The following BRIP1 variants were observed in gnomAD, a reference collection of about 807,000 sequenced individuals.
BRIP1 encodes the protein Fanconi anemia group J protein.
Under a neutral mutation model 119.7 loss-of-function variants are expected in BRIP1, and 88 were observed. That is an observed-to-expected ratio of 0.74 (90% confidence interval 0.62 to 0.88). The LOEUF (loss-of-function observed/expected upper bound fraction) is 0.88, where lower values mean the gene tolerates loss of function less well. Among genes scored for constraint, BRIP1 ranks in the 40% least tolerant of loss-of-function variants. The probability of loss-of-function intolerance (pLI) is 0.00; values close to 1 mark genes in which losing one functional copy is unlikely to be tolerated. For missense variants in BRIP1, 1,259 were observed against 1,455.4 expected, an observed-to-expected ratio of 0.87 and a Z score of 2.20; for synonymous variants, 443 against 496.5, an observed-to-expected ratio of 0.89 and a Z score of 1.43.
At chr17:61,819,945 T>C (rs1477026698) in intron 6 of BRIP1, among the ~76,000 whole-genome samples, 2 of 152,012 alleles carry the variant, frequency 1.3e-5, no homozygotes, top group Non-Finnish European at 2.9e-5. Context: ...TTTACCCTAA[T>C]ATGATTATTA....
At chr17:61,716,413 C>G (rs987387993) in intron 16 of BRIP1, among the ~76,000 whole-genome samples, 3 of 152,036 alleles carry the variant, frequency 2.0e-5, no homozygotes, top group Non-Finnish European at 4.4e-5. Context: ...AAAGTTCCCT[C>G]TTATCCCTTT....
In BRIP1 at chr17:61,736,998, G is replaced by T. The variant is rs911179463; in HGVS notation, c.2379+6015C>A. Among the ~76,000 whole-genome samples the T allele has an allele frequency of 6.6e-6, 1 of 152,024 alleles. No individual in the cohort carries two copies. Among genetic ancestry groups the T allele is most frequent in the African/African-American group, 2.4e-5 (1 of 41,398 alleles). ...CACAAAGTATAAAGATGGAATCTGT[G>T]ACAATAACAATATAAAAAGGGAGGA... On this transcript the variant is annotated intron_variant, in intron 16 of 19. Transcript: ENST00000259008. This position sits in a 1 kb window ranked among gnomAD's most constrained non-coding sequence, Gnocchi z 4.4.
At position 61,845,591 on chromosome 17, in the gene BRIP1, G is replaced by C. The variant is rs1191163735; in HGVS notation, c.627+1510C>G. Among the ~76,000 whole-genome samples, 1 of 152,158 alleles carries C rather than the reference G, an allele frequency of 6.6e-6. No homozygotes were observed. The highest frequency in any genetic ancestry group is 1.5e-5 in the Non-Finnish European group (1 of 68,028). On this transcript the variant is annotated intron_variant, in intron 6 of 19. Coordinates refer to ENST00000259008, the MANE Select transcript of BRIP1 (RefSeq NM_032043.3). This position sits in a 1 kb window ranked among gnomAD's most constrained non-coding sequence, Gnocchi z 4.2. ...TTAAAATTCTGATTTTCACTTGAAA[G>C]CTCAAATTTTATCTGGCTCATTTTA... is the stretch of plus-strand genomic sequence containing the variant.
intron 8 of BRIP1, 37 bp downstream of exon 8, chr17:61,801,216 G>T: frequency 6.4e-7 from 1 of 1,551,794 alleles, no homozygotes; most frequent in Non-Finnish European, 8.9e-7. Flanking sequence ...ATCTCCATGA[G>T]TAGGAAGAAG....
At chr17:61,785,423 T>C (rs1183830721) in intron 10 of BRIP1, among the ~76,000 whole-genome samples, 3 of 152,130 alleles carry the variant, frequency 2.0e-5, no homozygotes, top group Non-Finnish European at 4.4e-5. Flanking sequence ...ATAAAAGATA[T>C]TGGTGACAAC....
chr17:61,778,820 C>T lies in BRIP1; in HGVS notation c.1935+1441G>A, dbSNP rs1307687705. Among the ~76,000 whole-genome samples, 1 of 152,184 alleles carries T rather than the reference C, an allele frequency of 6.6e-6. No individual in the cohort carries two copies. Among genetic ancestry groups the T allele is most frequent in the Non-Finnish European group, 1.5e-5 (1 of 68,036 alleles). On this transcript the variant is annotated intron_variant, in intron 13 of 19. Transcript: ENST00000259008. This position sits in a 1 kb window ranked among gnomAD's most constrained non-coding sequence, Gnocchi z 4.4. ...ACAATTCTTAGTTACATAGGAGTAG[C>T]ATTCTAGGTTCCCAACTACCAAATG...
At position 61,759,165 on chromosome 17, in the gene BRIP1, A is replaced by G. The variant is rs2077240503; in HGVS notation, c.2098-14574T>C. Among the ~76,000 whole-genome samples the G allele has an allele frequency of 1.3e-5, 2 of 152,096 alleles. No homozygotes were observed. The highest frequency in any genetic ancestry group is 6.6e-5 in the Admixed American group (1 of 15,244). On this transcript the variant is annotated intron_variant, in intron 14 of 19. Coordinates refer to ENST00000259008, the MANE Select transcript of BRIP1 (RefSeq NM_032043.3). The surrounding 1 kb of genome is among the most constrained non-coding windows in gnomAD (Gnocchi z 4.9). ...AGAAAGAGTAAGAAAAGAAGATCCA[A>G]CTATATGCTGCCTACAAGAGATTTG... is the stretch of plus-strand genomic sequence containing the variant.
intron 6 of BRIP1, among the ~76,000 whole-genome samples, chr17:61,811,475 G>A (rs1051809804): frequency 4.6e-5 from 7 of 151,746 alleles, no homozygotes; most frequent in Admixed American, 2.6e-4. Flanking sequence ...CGCCTGCATC[G>A]GCCTCCCGAA....
rs1010008645 is a variant in BRIP1 at position 61,726,846 on chromosome 17, A to G, written c.2380-10783T>C. ...ATAAAATATGCTAGTGGTGTAATCT[A>G]TGAGAATGAGTGCATGATTGGTACC... On this transcript the variant is annotated intron_variant, in intron 16 of 19. Coordinates refer to ENST00000259008, the MANE Select transcript of BRIP1 (RefSeq NM_032043.3). This position sits in a 1 kb window ranked among gnomAD's most constrained non-coding sequence, Gnocchi z 6.2. Among the ~76,000 whole-genome samples the G allele has an allele frequency of 1.3e-5, 2 of 152,142 alleles. No homozygotes were observed. Among genetic ancestry groups the G allele is most frequent in the Non-Finnish European group, 2.9e-5 (2 of 68,010 alleles).
rs140581962 is a variant in BRIP1 at position 61,804,446 on chromosome 17, G to GTGTGTGTGTA, written c.919-2973_919-2972insTACACACACA. 9.6e-4 allele frequency among the ~76,000 whole-genome samples: 135 copies of GTGTGTGTGTA among 140,792 alleles called. 3 individuals are homozygous for GTGTGTGTGTA. The East Asian group carries it at 0.014, about 14-fold the overall frequency. 92.4% of individuals were successfully genotyped at this position (140,792 alleles called of 152,430 possible). A position where few individuals can be genotyped will look rare whatever the true frequency, so the allele number is the denominator to read the frequency against. ...TGTGTGTGTGTGTGTGTGTGTGTGT[G>GTGTGTGTGTA]TATGTGTGTGTACATACACATACAT... On this transcript the variant is annotated intron_variant, in intron 7 of 19. Coordinates refer to ENST00000259008, the MANE Select transcript of BRIP1 (RefSeq NM_032043.3). This position sits in a 1 kb window ranked among gnomAD's most constrained non-coding sequence, Gnocchi z 4.5.
rs1281792329 is a variant in BRIP1 at position 61,746,926 on chromosome 17, T to C, written c.2098-2335A>G. On this transcript the variant is annotated intron_variant, in intron 14 of 19. Coordinates refer to ENST00000259008, the MANE Select transcript of BRIP1 (RefSeq NM_032043.3). This position sits in a 1 kb window ranked among gnomAD's most constrained non-coding sequence, Gnocchi z 4.9. The stretch of plus-strand genomic sequence containing the variant: ...ATGGAACATTCTCTAGGACAGATCA[T>C]GTGTTAGGTAACAAAGCAAGTCTTA... Among the ~76,000 whole-genome samples, 3 of 152,188 alleles carry C rather than the reference T, an allele frequency of 2.0e-5. No individual in the cohort carries two copies. Among genetic ancestry groups the C allele is most frequent in the East Asian group, 1.9e-4 (1 of 5,206 alleles).
intron 17 of BRIP1, among the ~76,000 whole-genome samples, chr17:61,713,000 GC>G: frequency 6.6e-6 from 1 of 152,198 alleles, no homozygotes; most frequent in Admixed American, 6.5e-5. Flanking sequence ...GGATAGTAAT[GC>G]ACCACATAAT....
rs1292221283 is a variant in BRIP1, at chr17:61,816,012, A to AAAAATTC, written c.628-7262_628-7256dup. 6.6e-6 allele frequency among the ~76,000 whole-genome samples: 1 copy of AAAAATTC among 152,170 alleles called. No homozygotes were observed. The highest frequency in any genetic ancestry group is 1.5e-5 in the Non-Finnish European group (1 of 68,012). Reference sequence around the variant, plus strand: ...ATACCTTTTCAACTATTCTTTTTTTAAAAATTCAAACAGTAGTAGTACCCT... The same window carrying AAAAATTC: ...ATACCTTTTCAACTATTCTTTTTTTAAAAATTCAAAATTCAAACAGTAGTAGTACCCT... On this transcript the variant is annotated intron_variant, in intron 6 of 19. Transcript: ENST00000259008. This position sits in a 1 kb window ranked among gnomAD's most constrained non-coding sequence, Gnocchi z 5.0.
In BRIP1 at chr17:61,778,334, G is replaced by A. The variant is rs746589466; in HGVS notation, c.1936-1772C>T. ...TGGTAGTTACCAGGAGCTGAGGAGA[G>A]GGGGAGAATAGAGAGCTGTTGTTTA... On this transcript the variant is annotated intron_variant, in intron 13 of 19. Coordinates refer to ENST00000259008, the MANE Select transcript of BRIP1 (RefSeq NM_032043.3). This position sits in a 1 kb window ranked among gnomAD's most constrained non-coding sequence, Gnocchi z 4.4. Among the ~76,000 whole-genome samples the A allele has an allele frequency of 6.6e-6, 1 of 152,136 alleles. No individual in the cohort carries two copies. The highest frequency in any genetic ancestry group is 1.5e-5 in the Non-Finnish European group (1 of 68,024).
At chr17:61,723,413 G>A (rs902727750) in intron 16 of BRIP1, among the ~76,000 whole-genome samples, 11 of 152,188 alleles carry the variant, frequency 7.2e-5, no homozygotes, top group African/African-American at 2.7e-4. Context: ...CCCAAGGCAA[G>A]CTCTGCCATC....
At position 61,691,973 on chromosome 17, in the gene BRIP1, C is replaced by T. The variant is rs754511742; in HGVS notation, c.2575+1457G>A. 6.6e-6 allele frequency among the ~76,000 whole-genome samples: 1 copy of T among 152,160 alleles called. No homozygotes were observed. Among genetic ancestry groups the T allele is most frequent in the Non-Finnish European group, 1.5e-5 (1 of 67,978 alleles). ...ATCCACACATATATGGTCAGCGGAT[C>T]TTCAACAGGGTGTCATTGGGGATTG... On this transcript the variant is annotated intron_variant, in intron 18 of 19. Transcript: ENST00000259008. This position sits in a 1 kb window ranked among gnomAD's most constrained non-coding sequence, Gnocchi z 5.0.
rs2061621332 is a variant in BRIP1, at chr17:61,701,959, G to A, written c.2493-8447C>T. On this transcript the variant is annotated intron_variant, in intron 17 of 19. Coordinates refer to ENST00000259008, the MANE Select transcript of BRIP1 (RefSeq NM_032043.3). This position sits in a 1 kb window ranked among gnomAD's most constrained non-coding sequence, Gnocchi z 5.1. Reference sequence around the variant, plus strand: ...CAGGCTATTGGTTTTTAAGGCTATTGTGAACTTGGAGAGAGGTGAGAACAG... The same window carrying A: ...CAGGCTATTGGTTTTTAAGGCTATTATGAACTTGGAGAGAGGTGAGAACAG... Among the ~76,000 whole-genome samples the A allele has an allele frequency of 6.6e-6, 1 of 152,128 alleles. No homozygotes were observed. Among genetic ancestry groups the A allele is most frequent in the Non-Finnish European group, 1.5e-5 (1 of 68,020 alleles).
chr17:61,830,081 C>A (rs1453786954), intron 6 of BRIP1, among the ~76,000 whole-genome samples: 2 of 151,732 alleles, frequency 1.3e-5, no homozygotes, highest in Non-Finnish European at 2.9e-5. Context: ...TACAGGCGCC[C>A]ACCACCATGC....
Position 61,699,664 on chromosome 17 carries a change from AAG to A in BRIP1, c.2493-6154_2493-6153del, listed in dbSNP as rs917359124. Among the ~76,000 whole-genome samples, 5 of 152,158 alleles carry A rather than the reference AAG, an allele frequency of 3.3e-5. No homozygotes were observed. The highest frequency in any genetic ancestry group is 7.3e-5 in the Non-Finnish European group (5 of 68,038). On this transcript the variant is annotated intron_variant, in intron 17 of 19. Coordinates refer to ENST00000259008, the MANE Select transcript of BRIP1 (RefSeq NM_032043.3). The surrounding 1 kb of genome is among the most constrained non-coding windows in gnomAD (Gnocchi z 4.8). Reference sequence around the variant, plus strand: ...GTAGGTTGGATTGTTTACCCCTAGAAAGGTCTGTTTAAAGGTGTTCCTGGGCT... The same window carrying A: ...GTAGGTTGGATTGTTTACCCCTAGAAGTCTGTTTAAAGGTGTTCCTGGGCT...
Sources: gnomAD v4.1 joint callset for allele counts (sites outside exome capture counted in the v4.1 genomes callset) on GRCh38, gnomAD v4.1.1 for gene constraint, Gnocchi (gnomAD v3.1) non-coding constraint, MANE v1.5 for transcripts, NCBI Gene and HGNC (gene_info 2026-07-23, HGNC 2026-07-21) for gene names.